FBXW4: variants seen among roughly 807,000 people sequenced by gnomAD.
FBXW4 encodes F-box and WD repeat domain containing 4.
In FBXW4, 40 loss-of-function variants were observed where a neutral mutation model predicts 61.8. That is an observed-to-expected ratio of 0.65 (90% CI 0.50 to 0.84). The LOEUF (loss-of-function observed/expected upper bound fraction) is 0.84, where lower values mean the gene tolerates loss of function less well. FBXW4 is among the 40% of genes least tolerant of loss of function. The pLI is 0.00. For synonymous variants in FBXW4, 311 were observed against 313.8 expected (o/e 0.99, Z 0.10); for missense variants, 672 against 753.8 (o/e 0.89, Z 1.27).
chr10:101,680,892 A>T (rs1191031254), intron 1 of FBXW4, among the ~76,000 whole-genome samples: 2 of 152,240 alleles, frequency 1.3e-5, no homozygotes, highest in East Asian at 3.8e-4. Context: ...ATTAGAGCTA[A>T]AATCTGGAAA....
At chr10:101,625,732 T>C (rs914052124) in intron 5 of FBXW4, 7 of 152,272 alleles carry the variant, frequency 4.6e-5, no homozygotes, top group Admixed American at 2.6e-4. Flanking sequence ...TCAGGAAACC[T>C]GGGCTTGAAA....
chr10:101,680,103 T>C (rs1003068280), intron 1 of FBXW4, among the ~76,000 whole-genome samples: 8 of 152,220 alleles, frequency 5.3e-5, no homozygotes, highest in Non-Finnish European at 1.0e-4. Context: ...CAAATACTGA[T>C]TAAAATAGTA....
chr10:101,653,528 T>C lies in FBXW4; in HGVS notation c.1235+14358A>G, dbSNP rs1354865929. Among the ~76,000 whole-genome samples the C allele has an allele frequency of 2.0e-5, 3 of 152,348 alleles. 1 individual carries two copies. The highest frequency in any genetic ancestry group is 7.2e-5 in the African/African-American group (3 of 41,580). ...CCTTTGCTCAGACCAGTCCCCTTGC[T>C]TGAAGTTCCCTTATGCAATTTCAAT... On this transcript the variant is annotated intron_variant, in intron 5 of 8. Coordinates refer to ENST00000331272, the MANE Select transcript of FBXW4 (RefSeq NM_022039.4).
intron 1 of FBXW4, among the ~76,000 whole-genome samples, chr10:101,691,170 G>T (rs565979126): frequency 3.0e-4 from 46 of 152,140 alleles, no homozygotes; most frequent in African/African-American, 1.1e-3. Context: ...AGCAATGAAC[G>T]ACAGCCCTGC....
chr10:101,693,552 CTTT>C (rs2064634465), intron 1 of FBXW4, among the ~76,000 whole-genome samples: 1 of 152,118 alleles, frequency 6.6e-6, no homozygotes, highest in African/African-American at 2.4e-5. Context: ...GGTATTATGG[CTTT>C]TTATGTTTTT....
chr10:101,646,743 G>T (rs564591201), intron 5 of FBXW4, among the ~76,000 whole-genome samples: 1 of 152,228 alleles, frequency 6.6e-6, no homozygotes, highest in African/African-American at 2.4e-5. Context: ...AAAGCCACAG[G>T]GAGAGGGAGA....
rs2064651410 is a variant in FBXW4, at chr10:101,694,490, G to C, written c.616C>G (p.Leu206Val). 6.6e-7 allele frequency: 1 copy of C among 1,524,322 alleles called. No individual in the cohort carries two copies. The highest frequency in any genetic ancestry group is 8.7e-7 in the Non-Finnish European group (1 of 1,146,522). 94.4% of individuals were successfully genotyped at this position (1,524,322 alleles called of 1,614,324 possible). ...SYLDMRALGR[L>V]AQVCRWLRRF... is the part of the protein sequence containing the mutation. Reference sequence around the variant, plus strand: ...CGCAGCCAGCGGCACACCTGGGCCAGGCGGCCGAGGGCCCGCATGTCCAGG... The same window carrying C: ...CGCAGCCAGCGGCACACCTGGGCCACGCGGCCGAGGGCCCGCATGTCCAGG... The change falls in exon 1 of 9, where the codon CTG becomes GTG. Residue 206 changes from leucine to valine, a missense_variant. Physicochemically the swap from Leu to Val is conservative, Grantham distance 32 (BLOSUM62 1). Transcript: ENST00000331272. This position sits in a 1 kb window ranked among gnomAD's most constrained non-coding sequence, Gnocchi z 6.0.
intron 6 of FBXW4, among the ~76,000 whole-genome samples, chr10:101,615,578 C>T (rs1023425112): frequency 5.9e-5 from 9 of 152,126 alleles, no homozygotes; most frequent in Non-Finnish European, 1.3e-4. Context: ...AAGAAGCAAG[C>T]AGAGTGCGGC....
At chr10:101,638,493 A>G (rs1045395653) in intron 5 of FBXW4, among the ~76,000 whole-genome samples, 1 of 152,010 alleles carries the variant, frequency 6.6e-6, no homozygotes, top group Non-Finnish European at 1.5e-5. Flanking sequence ...TCCTGCAAAA[A>G]AAAAAAAAAA....
intron 1 of FBXW4, among the ~76,000 whole-genome samples, chr10:101,692,276 CAT>C (rs942759917): frequency 2.1e-4 from 31 of 150,894 alleles, no homozygotes; most frequent in African/African-American, 3.6e-4. Flanking sequence ...AATATACACA[CAT>C]ATATGTCTAT....
At chr10:101,667,285 T>G (rs1170799883) in intron 5 of FBXW4, among the ~76,000 whole-genome samples, 1 of 146,932 alleles carries the variant, frequency 6.8e-6, no homozygotes, top group Non-Finnish European at 1.5e-5. Context: ...AAATAAATAA[T>G]AATAAAAAAG....
chr10:101,630,618 A>G (rs568456000), intron 5 of FBXW4, among the ~76,000 whole-genome samples: 1 of 152,328 alleles, frequency 6.6e-6, no homozygotes, highest in Non-Finnish European at 1.5e-5. Context: ...TCACTCGGTG[A>G]GGGGAAGCCA....
chr10:101,631,642 T>C (rs971912346), intron 5 of FBXW4, among the ~76,000 whole-genome samples: 2 of 151,838 alleles, frequency 1.3e-5, no homozygotes, highest in Non-Finnish European at 1.5e-5. Flanking sequence ...TTTTTTTTTT[T>C]TTTGAGACAG....
intron 5 of FBXW4, among the ~76,000 whole-genome samples, chr10:101,666,098 A>T (rs553693097): frequency 1.3e-5 from 2 of 152,336 alleles, no homozygotes; most frequent in South Asian, 4.1e-4. Context: ...AAAGGGCAGC[A>T]TTAGGAAGAA....
chr10:101,644,868 GC>G (rs1246893707), intron 5 of FBXW4, among the ~76,000 whole-genome samples: 6 of 152,238 alleles, frequency 3.9e-5, no homozygotes, highest in South Asian at 4.1e-4. Flanking sequence ...ACCCCCATTT[GC>G]CACCCAAAAC....
chr10:101,652,795 C>G (rs1221981262), intron 5 of FBXW4, among the ~76,000 whole-genome samples: 1 of 152,056 alleles, frequency 6.6e-6, no homozygotes, highest in Non-Finnish European at 1.5e-5. Context: ...GTAAGTTGCC[C>G]CCGAATTACT....
intron 6 of FBXW4, among the ~76,000 whole-genome samples, chr10:101,620,884 A>G (rs1184268769): frequency 6.6e-6 from 1 of 152,196 alleles, no homozygotes; most frequent in Non-Finnish European, 1.5e-5. Flanking sequence ...ATAACAGTCA[A>G]ATAAATGGTG....
intron 5 of FBXW4, among the ~76,000 whole-genome samples, chr10:101,651,832 CA>C (rs2064148263): frequency 6.6e-6 from 1 of 152,116 alleles, no homozygotes; most frequent in Admixed American, 6.5e-5. Flanking sequence ...AAACAAGGGA[CA>C]ACAAGGAAAA....
intron 5 of FBXW4, among the ~76,000 whole-genome samples, chr10:101,637,073 T>C (rs905501613): frequency 6.6e-6 from 1 of 151,948 alleles, no homozygotes; most frequent in Non-Finnish European, 1.5e-5. Flanking sequence ...AAATTTCCGT[T>C]ATAAAAACAT....
Sources: gnomAD v4.1 joint callset for allele counts (sites outside exome capture counted in the v4.1 genomes callset) on GRCh38, gnomAD v4.1.1 for gene constraint, Gnocchi (gnomAD v3.1) non-coding constraint, MANE v1.5 for transcripts, NCBI Gene and HGNC (gene_info 2026-07-23, HGNC 2026-07-21) for gene names.